The following MBTPS2 variants were observed in gnomAD, a reference collection of about 807,000 sequenced individuals.
MBTPS2 encodes membrane bound transcription factor peptidase, site 2.
In MBTPS2, 2 loss-of-function variants were observed where a neutral mutation model predicts 35.4. The ratio of observed to expected loss-of-function variants is 0.06; its 90% CI spans 0.02 to 0.18. The LOEUF (loss-of-function observed/expected upper bound fraction) is 0.18, where lower values mean the gene tolerates loss of function less well. Ranked by LOEUF, MBTPS2 falls within the 10% of genes least tolerant of loss-of-function variation. The pLI is 1.00. For synonymous variants in MBTPS2, 125 were observed against 140.4 expected (o/e 0.89, Z 0.77); for missense variants, 244 against 386.5 (o/e 0.63, Z 3.09).
chrX:21,843,841 G>T (rs767849832), intron 2 of MBTPS2, among the ~76,000 whole-genome samples: 2 of 111,242 alleles, frequency 1.8e-5, no homozygotes, highest in Non-Finnish European at 3.8e-5. Context: ...TGGGCCGGGC[G>T]CAGTGGTTCA....
chrX:21,859,115 T>A (rs1045006247), intron 5 of MBTPS2, among the ~76,000 whole-genome samples: 4 of 111,805 alleles, frequency 3.6e-5, no homozygotes, highest in African/African-American at 1.3e-4. Context: ...CAAACTGTGT[T>A]TAAAATGGGA....
chrX:21,884,549 C>T lies in MBTPS2; in HGVS notation c.*1894C>T. 1.3e-6 allele frequency: 1 copy of T among 753,800 alleles called. No homozygotes were observed. The highest frequency in any genetic ancestry group is 1.6e-6 in the Non-Finnish European group (1 of 638,950). The allele number at this position is 753,800 out of a possible 1,213,427, so 62.1% of individuals were successfully genotyped here. A position where few individuals can be genotyped will look rare whatever the true frequency, so the allele number is the denominator to read the frequency against. ...TATTTCAACTGTTAAACATTTTGATCTGTTGACCCATAGGATCAGGATTTG... is the reference window on the plus strand; with the variant it reads ...TATTTCAACTGTTAAACATTTTGATTTGTTGACCCATAGGATCAGGATTTG... On this transcript the variant is annotated 3_prime_UTR_variant, in exon 11 of 11. Transcript: ENST00000379484.
Position 21,869,676 on chromosome X carries a change from G to A in MBTPS2, c.968G>A (p.Arg323Lys), listed in dbSNP as rs775328244. The change falls in exon 7 of 11, where the codon AGA (arginine) becomes AAA (lysine). Residue 323 changes from arginine (R) to lysine (K), a missense_variant and splice_region_variant. By Grantham distance (26) the Arg-to-Lys change is conservative (BLOSUM62 2). Transcript: ENST00000379484. ...STLQQLSFPV[R>K]AYKRLDGSTE... ...TTACAGCAGTTAAGTTTCCCAGTTA[G>A]AGGTGTGTATATTTCCTCAATATAA... The A allele has an allele frequency of 8.4e-7, 1 of 1,194,715 alleles. No homozygotes were observed. The highest frequency in any genetic ancestry group is 1.8e-5 in the African/African-American group (1 of 56,866).
intron 5 of MBTPS2, among the ~76,000 whole-genome samples, chrX:21,862,937 T>TATAAATATATAAAC (rs2092934248): frequency 3.8e-5 from 1 of 26,534 alleles, no homozygotes; most frequent in African/African-American, 3.1e-4. Flanking sequence ...TATAAACATA[T>TATAAATATATAAAC]ATATATATAT....
intron 5 of MBTPS2, among the ~76,000 whole-genome samples, chrX:21,866,970 A>G (rs1439224529): frequency 2.8e-5 from 3 of 107,219 alleles, no homozygotes; most frequent in Non-Finnish European, 5.8e-5. Context: ...CAGAGGTTGC[A>G]GTTAGCTGAG....
intron 1 of MBTPS2, among the ~76,000 whole-genome samples, chrX:21,841,108 A>G (rs2092902110): frequency 9.0e-6 from 1 of 111,533 alleles, no homozygotes; most frequent in African/African-American, 3.3e-5. Context: ...ACTCCTCTGC[A>G]CCTGTTTGTG....
Position 21,865,895 on chromosome X carries a change from T to C in MBTPS2, c.671-2572T>C, listed in dbSNP as rs564739685. Among the ~76,000 whole-genome samples, 58 of 112,361 alleles carry C rather than the reference T, an allele frequency of 5.2e-4. 1 individual carries two copies. The South Asian group carries it at 0.021, about 40-fold the overall frequency. On this transcript the variant is annotated intron_variant, in intron 5 of 10. Transcript: ENST00000379484. ...ATAATAATCACCAGCTTCAAGTCTA[T>C]GGGTATCTTGCTGCCTTGATGACAA...
chrX:21,874,145 C>T (rs1282628090), intron 7 of MBTPS2, among the ~76,000 whole-genome samples: 1 of 105,837 alleles, frequency 9.4e-6, no homozygotes, highest in Non-Finnish European at 1.9e-5. Flanking sequence ...CTCAGCCTCC[C>T]GAGTAGCTGG....
At chrX:21,860,249 TA>T (rs1459660029) in intron 5 of MBTPS2, among the ~76,000 whole-genome samples, 5 of 110,966 alleles carry the variant, frequency 4.5e-5, no homozygotes, top group Non-Finnish European at 7.6e-5. Flanking sequence ...CCCGGCTACT[TA>T]AAAATACAAA....
In MBTPS2 at chrX:21,848,138, G is replaced by A. The variant is rs188764529; in HGVS notation, c.438+2754G>A. 4.5e-3 allele frequency among the ~76,000 whole-genome samples: 506 copies of A among 112,401 alleles called. 3 individuals are homozygous for A. Among genetic ancestry groups the A allele is most frequent in the Middle Eastern group, 9.3e-3 (2 of 214 alleles). ...ATTAAAAATGATTATAACTAGTTTC[G>A]GCCGGGCTCAGTGGCTCACGCCTGT... is the stretch of plus-strand genomic sequence containing the variant. On this transcript the variant is annotated intron_variant, in intron 3 of 10. Coordinates refer to ENST00000379484, the MANE Select transcript of MBTPS2 (RefSeq NM_015884.4).
At chrX:21,863,550 AT>A (rs1464578236) in intron 5 of MBTPS2, among the ~76,000 whole-genome samples, 1 of 110,974 alleles carries the variant, frequency 9.0e-6, no homozygotes, top group South Asian at 3.8e-4. Flanking sequence ...GTCAGTGTGT[AT>A]TTTTTAGTAA....
chrX:21,848,970 T>TA (rs2092911644), intron 3 of MBTPS2, among the ~76,000 whole-genome samples: 1 of 112,366 alleles, frequency 8.9e-6, no homozygotes, highest in African/African-American at 3.2e-5. Context: ...ATAGAGCGAA[T>TA]AGTAGAAACC....
At chrX:21,857,778 A>T in intron 5 of MBTPS2, 1 of 531,645 alleles carries the variant, frequency 1.9e-6, no homozygotes, top group Non-Finnish European at 2.9e-6. Context: ...AACGTTTTTA[A>T]AAAGGTAAAC....
rs189279491 is a variant in MBTPS2, at chrX:21,851,041, T to C, written c.439-468T>C. Reference sequence around the variant, plus strand: ...GCTGATTAATAATATGGAGTTCCTATATTAATCAACACAAGTACTTGGAAC... The same window carrying C: ...GCTGATTAATAATATGGAGTTCCTACATTAATCAACACAAGTACTTGGAAC... On this transcript the variant is annotated intron_variant, in intron 3 of 10. Coordinates refer to ENST00000379484, the MANE Select transcript of MBTPS2 (RefSeq NM_015884.4). Among the ~76,000 whole-genome samples the C allele has an allele frequency of 3.9e-3, 436 of 111,946 alleles. 1 individual carries two copies. The highest frequency in any genetic ancestry group is 0.013 in the African/African-American group (415 of 30,804).
At chrX:21,848,854 CATAAAA>C (rs1297647997) in intron 3 of MBTPS2, among the ~76,000 whole-genome samples, 1 of 111,096 alleles carries the variant, frequency 9.0e-6, no homozygotes, top group East Asian at 2.8e-4. Context: ...TTTCTGTGTC[CATAAAA>C]ATAAATTCCA....
intron 5 of MBTPS2, chrX:21,858,540 C>T (rs1393162221): frequency 1.6e-5 from 2 of 122,721 alleles, no homozygotes; most frequent in African/African-American, 6.5e-5. Flanking sequence ...TCAGGAATGC[C>T]ACTAAACATC....
intron 5 of MBTPS2, chrX:21,857,865 GA>G (rs908442138): frequency 1.4e-5 from 4 of 276,940 alleles, no homozygotes; most frequent in African/African-American, 8.4e-5. Flanking sequence ...CCCAACAGGA[GA>G]AAAATTCGTA....
intron 9 of MBTPS2, among the ~76,000 whole-genome samples, chrX:21,880,541 G>T (rs535716555): frequency 9.1e-6 from 1 of 110,031 alleles, no homozygotes; most frequent in Middle Eastern, 4.7e-3. Flanking sequence ...CCTTGGTTTA[G>T]CCATGAAGAA....
Position 21,882,818 on chromosome X carries a change from T to C in MBTPS2, c.*163T>C, listed in dbSNP as rs1335060150. The stretch of plus-strand genomic sequence containing the variant: ...CCTCCCATATCCAGAGTACCCAAAC[T>C]CTGTGGTAGAAGATAAGCAGAAGAA... On this transcript the variant is annotated 3_prime_UTR_variant, in exon 11 of 11. Coordinates refer to ENST00000379484, the MANE Select transcript of MBTPS2 (RefSeq NM_015884.4). 1.8e-6 allele frequency: 2 copies of C among 1,117,196 alleles called. No homozygotes were observed. The highest frequency in any genetic ancestry group is 5.7e-5 in the Admixed American group (2 of 35,078). 92.1% of individuals were successfully genotyped at this position (1,117,196 alleles called of 1,213,427 possible). A position where few individuals can be genotyped will look rare whatever the true frequency, so the allele number is the denominator to read the frequency against.
Sources: gnomAD v4.1 joint callset for allele counts (sites outside exome capture counted in the v4.1 genomes callset) on GRCh38, gnomAD v4.1.1 for gene constraint, MANE v1.5 for transcripts, NCBI Gene and HGNC (gene_info 2026-07-23, HGNC 2026-07-21) for gene names.